Variants in HIVEP3 observed in about 807,000 individuals in gnomAD.
HIVEP3 encodes HIVEP zinc finger 3.
Under a neutral mutation model 152.8 loss-of-function variants are expected in HIVEP3, and 49 were observed. The ratio of observed to expected loss-of-function variants is 0.32; its 90% CI spans 0.26 to 0.41. HIVEP3 has a LOEUF of 0.41. HIVEP3 is among the 10% of genes least tolerant of loss of function. The pLI, the probability that HIVEP3 is intolerant of heterozygous loss-of-function variation, is 1.00. For missense variants in HIVEP3, 2,790 were observed against 3,103.3 expected (o/e 0.90, Z 2.40); for synonymous variants, 1,269 against 1,289.0 (o/e 0.98, Z 0.33).
intron 1 of HIVEP3, among the ~76,000 whole-genome samples, chr1:41,929,179 T>A (rs1644983296): frequency 6.6e-6 from 1 of 152,196 alleles, no homozygotes; most frequent in Non-Finnish European, 1.5e-5. Flanking sequence ...CTTCTCTCTA[T>A]TTATTCACTG....
At position 41,649,601 on chromosome 1, in the gene HIVEP3, C is replaced by T. The variant is rs1205109422; in HGVS notation, c.-720-20654G>A. On this transcript the variant is annotated intron_variant, in intron 2 of 8. Transcript: ENST00000372583. ...CTAAATGATGGGAATTGGGTTGGGG[C>T]TTCGAAGACTAGGAGATGATGCAAT... 2.6e-5 allele frequency among the ~76,000 whole-genome samples: 4 copies of T among 152,186 alleles called. No homozygotes were observed. In the East Asian group the frequency reaches 7.7e-4, roughly 29 times the overall value.
chr1:41,987,004 T>C (rs988374894), intron 1 of HIVEP3, among the ~76,000 whole-genome samples: 32 of 152,352 alleles, frequency 2.1e-4, no homozygotes, highest in Admixed American at 9.1e-4. Flanking sequence ...TGTACTATAC[T>C]GAATTGTGTC....
At chr1:41,564,859 CAGG>C (rs1644135999) in intron 5 of HIVEP3, among the ~76,000 whole-genome samples, 1 of 152,176 alleles carries the variant, frequency 6.6e-6, no homozygotes, top group African/African-American at 2.4e-5. Flanking sequence ...AGACCCAACA[CAGG>C]AGGCAGAGAG....
At chr1:41,909,098 G>A (rs1465041094) in intron 1 of HIVEP3, among the ~76,000 whole-genome samples, 1 of 152,178 alleles carries the variant, frequency 6.6e-6, no homozygotes, top group African/African-American at 2.4e-5. Flanking sequence ...GGCAACAATG[G>A]AAACAGAGGA....
At chr1:41,564,460 C>T (rs1277053032) in intron 5 of HIVEP3, among the ~76,000 whole-genome samples, 1 of 152,148 alleles carries the variant, frequency 6.6e-6, no homozygotes, top group Non-Finnish European at 1.5e-5. Flanking sequence ...GAAAGAGCCA[C>T]TGAGTGAGAA....
intron 5 of HIVEP3, among the ~76,000 whole-genome samples, chr1:41,565,941 C>T (rs895612639): frequency 6.6e-5 from 10 of 152,162 alleles, no homozygotes; most frequent in Admixed American, 1.3e-4. Context: ...TGTCTTTTTT[C>T]TTTCCACTTC....
chr1:41,587,008 A>G (rs35762496), intron 3 of HIVEP3, among the ~76,000 whole-genome samples: 13,747 of 152,148 alleles, frequency 0.09, 682 homozygotes, highest in Middle Eastern at 0.18. Context: ...TGGTGTTTCT[A>G]TAATTCAGCT....
intron 1 of HIVEP3, among the ~76,000 whole-genome samples, chr1:41,735,271 G>A (rs576754025): frequency 1.3e-5 from 2 of 152,328 alleles, no homozygotes; most frequent in South Asian, 2.1e-4. Flanking sequence ...TCCTACGTAA[G>A]GGCACGTAGA....
chr1:41,780,534 G>C (rs946634007), intron 1 of HIVEP3, among the ~76,000 whole-genome samples: 2 of 152,156 alleles, frequency 1.3e-5, no homozygotes, highest in Non-Finnish European at 2.9e-5. Context: ...CCATGGTCAG[G>C]GCCCACCTCC....
intron 1 of HIVEP3, among the ~76,000 whole-genome samples, chr1:41,872,526 C>A (rs775794956): frequency 1.3e-5 from 2 of 152,082 alleles, no homozygotes; most frequent in Non-Finnish European, 2.9e-5. Context: ...CTTTAACACA[C>A]TCTTTCTCGG....
intron 1 of HIVEP3, among the ~76,000 whole-genome samples, chr1:41,870,378 A>G (rs1644057278): frequency 6.6e-6 from 1 of 152,216 alleles, no homozygotes; most frequent in African/African-American, 2.4e-5. Flanking sequence ...TTGCAATTAA[A>G]TAATCACACA....
In HIVEP3 at chr1:41,662,280, A is replaced by C. The variant is rs1645727448; in HGVS notation, c.-720-33333T>G. 1 of 143,072 alleles carries C rather than the reference A, an allele frequency of 7.0e-6. No individual in the cohort carries two copies. Among genetic ancestry groups the C allele is most frequent in the African/African-American group, 2.5e-5 (1 of 39,924 alleles). 8.9% of individuals were successfully genotyped at this position (143,072 alleles called of 1,614,324 possible). ...GCTCGGCTCCGCCCGGCGGTGCCCC[A>C]GGCGCTCGCTGGCGGCCCACGCGGC... is the stretch of plus-strand genomic sequence containing the variant. On this transcript the variant is annotated intron_variant, in intron 2 of 8. Transcript: ENST00000372583. The surrounding 1 kb of genome is among the most constrained non-coding windows in gnomAD (Gnocchi z 7.2).
At chr1:41,973,877 G>C (rs1294217020) in intron 1 of HIVEP3, among the ~76,000 whole-genome samples, 1 of 152,212 alleles carries the variant, frequency 6.6e-6, no homozygotes, top group African/African-American at 2.4e-5. Flanking sequence ...GCTGGAGGGA[G>C]GCCTAGGAGA....
At chr1:41,539,456 C>T (rs1312535103) in intron 5 of HIVEP3, among the ~76,000 whole-genome samples, 3 of 152,240 alleles carry the variant, frequency 2.0e-5, no homozygotes, top group African/African-American at 7.2e-5. Flanking sequence ...TCCATCTTCT[C>T]CCAGAATGGC....
At chr1:41,618,653 C>T (rs747859973) in intron 3 of HIVEP3, among the ~76,000 whole-genome samples, 30 of 151,684 alleles carry the variant, frequency 2.0e-4, no homozygotes, top group Non-Finnish European at 1.0e-4. Flanking sequence ...TTGTTCAAAG[C>T]CTTCCCTGAC....
intron 1 of HIVEP3, among the ~76,000 whole-genome samples, chr1:41,744,284 CCACCT>C: frequency 6.6e-6 from 1 of 152,182 alleles, no homozygotes; most frequent in East Asian, 1.9e-4. Flanking sequence ...CGTGATCCAC[CCACCT>C]CAGCCTCCCA....
chr1:41,556,123 C>T (rs909097767), intron 5 of HIVEP3, among the ~76,000 whole-genome samples: 3 of 152,104 alleles, frequency 2.0e-5, no homozygotes, highest in Non-Finnish European at 2.9e-5. Flanking sequence ...TTCCTGATTT[C>T]GGTATTGGTG....
At chr1:42,033,810 T>C (rs993615312) in intron 1 of HIVEP3, among the ~76,000 whole-genome samples, 3 of 152,214 alleles carry the variant, frequency 2.0e-5, no homozygotes, top group Non-Finnish European at 4.4e-5. Flanking sequence ...CTTGAAAGCA[T>C]AGGGGCAGGA....
intron 2 of HIVEP3, among the ~76,000 whole-genome samples, chr1:41,660,348 CTCTT>C (rs1162793500): frequency 1.3e-5 from 2 of 152,212 alleles, no homozygotes; most frequent in Non-Finnish European, 2.9e-5. Flanking sequence ...AATCATTTGA[CTCTT>C]TATGTTTTTT....
Sources: gnomAD v4.1 joint callset for allele counts (sites outside exome capture counted in the v4.1 genomes callset) on GRCh38, gnomAD v4.1.1 for gene constraint, Gnocchi (gnomAD v3.1) non-coding constraint, MANE v1.5 for transcripts, NCBI Gene and HGNC (gene_info 2026-07-23, HGNC 2026-07-21) for gene names.